FGD3: variants seen among roughly 807,000 people sequenced by gnomAD.
FGD3 encodes the protein FYVE, RhoGEF and PH domain containing 3, also known as FYVE, RhoGEF and PH domain-containing protein 3.
In FGD3, 45 loss-of-function variants were observed where a neutral mutation model predicts 71.8. That is an observed-to-expected ratio of 0.63 (90% CI 0.49 to 0.80). FGD3 has a LOEUF of 0.80. Among genes scored for constraint, FGD3 ranks in the 30% least tolerant of loss-of-function variants. The probability of loss-of-function intolerance (pLI) is 0.00; values close to 1 mark genes in which losing one functional copy is unlikely to be tolerated. For synonymous variants in FGD3, 378 were observed against 392.8 expected (o/e 0.96, Z 0.44); for missense variants, 844 against 951.5 (o/e 0.89, Z 1.49).
In FGD3 at chr9:93,010,230, C is replaced by T. The variant is rs1464201120; in HGVS notation, c.838-16C>T. On this transcript the variant is annotated splice_polypyrimidine_tract_variant and intron_variant, in intron 6 of 17. Transcript: ENST00000375482. The stretch of plus-strand genomic sequence containing the variant: ...ACGTGTCCTTGGAGTGCCCAATGCT[C>T]CCTCTGTCCCCACAGAAGCAGGAGG... 6.3e-7 allele frequency: 1 copy of T among 1,596,638 alleles called. No individual in the cohort carries two copies. Among genetic ancestry groups the T allele is most frequent in the Admixed American group, 1.7e-5 (1 of 59,122 alleles).
intron 8 of FGD3, among the ~76,000 whole-genome samples, chr9:93,012,692 T>TGG (rs1211789301): frequency 2.1e-4 from 25 of 117,012 alleles, no homozygotes; most frequent in African/African-American, 4.1e-4. Context: ...GGTGGCGGGG[T>TGG]GTGGGGGGGG....
At chr9:93,005,927 C>A in intron 5 of FGD3, 97 bp from the exon 6 acceptor site, 4 of 1,377,654 alleles carry the variant, frequency 2.9e-6, no homozygotes, top group African/African-American at 1.5e-5. Flanking sequence ...ACAGAGCTGG[C>A]CTCCACCCCA....
intron 1 of FGD3, among the ~76,000 whole-genome samples, chr9:92,974,988 C>T (rs866763578): frequency 1.1e-4 from 16 of 152,310 alleles, no homozygotes; most frequent in African/African-American, 3.4e-4. Flanking sequence ...AGTTTCCAGC[C>T]GAGCAAGACA....
chr9:93,024,848 G>A (rs1399422816), intron 14 of FGD3, among the ~76,000 whole-genome samples: 3 of 152,362 alleles, frequency 2.0e-5, no homozygotes, highest in South Asian at 4.1e-4. Flanking sequence ...GAACCTGCAA[G>A]GCCATTGTTT....
chr9:92,986,633 C>T (rs1462181055), intron 3 of FGD3, among the ~76,000 whole-genome samples: 1 of 152,182 alleles, frequency 6.6e-6, no homozygotes, highest in East Asian at 1.9e-4. Flanking sequence ...TTCCCTTATC[C>T]CAAAAAGGTA....
At chr9:92,971,791 T>C (rs1038701280) in intron 1 of FGD3, among the ~76,000 whole-genome samples, 1 of 151,894 alleles carries the variant, frequency 6.6e-6, no homozygotes, top group Non-Finnish European at 1.5e-5. Context: ...GGCGTACCAT[T>C]GATGCATAAT....
intron 14 of FGD3, among the ~76,000 whole-genome samples, chr9:93,023,629 G>T (rs1862010222): frequency 6.6e-6 from 1 of 152,004 alleles, no homozygotes; most frequent in Non-Finnish European, 1.5e-5. Context: ...GCCTCACCCA[G>T]CTTCCTGGCC....
At chr9:93,013,587 CAT>C (rs1380423591) in intron 8 of FGD3, among the ~76,000 whole-genome samples, 2 of 152,204 alleles carry the variant, frequency 1.3e-5, no homozygotes, top group African/African-American at 4.8e-5. Context: ...TGAGTTAAAA[CAT>C]GTATCATGTA....
intron 3 of FGD3, among the ~76,000 whole-genome samples, chr9:92,988,620 G>T (rs1860281261): frequency 1.3e-5 from 2 of 152,144 alleles, no homozygotes; most frequent in Admixed American, 6.5e-5. Context: ...TCTTATTACT[G>T]TTCCTTATAT....
At chr9:92,971,544 T>TTCTTC (rs1161674270) in intron 1 of FGD3, among the ~76,000 whole-genome samples, 992 of 69,466 alleles carry the variant, frequency 0.014, 26 homozygotes, top group African/African-American at 0.055. Flanking sequence ...GGTGGGATTT[T>TTCTTC]TCTTTTCTTT....
At position 93,035,590 on chromosome 9, in the gene FGD3, G is replaced by A; in HGVS notation, c.*1G>A. The A allele has an allele frequency of 6.3e-7, 1 of 1,583,770 alleles. No homozygotes were observed. Among genetic ancestry groups the A allele is most frequent in the Non-Finnish European group, 8.6e-7 (1 of 1,168,020 alleles). Reference sequence around the variant, plus strand: ...CCCTATGGGCGCAGCTGCTCCGTGAGCTGAGTCTCCCACTGCCCTGCACAC... The same window carrying A: ...CCCTATGGGCGCAGCTGCTCCGTGAACTGAGTCTCCCACTGCCCTGCACAC... On this transcript the variant is annotated 3_prime_UTR_variant, in exon 18 of 18. Coordinates refer to ENST00000375482, the MANE Select transcript of FGD3 (RefSeq NM_001083536.2).
chr9:93,016,963 T>C (rs553117596), intron 10 of FGD3, among the ~76,000 whole-genome samples: 2 of 152,326 alleles, frequency 1.3e-5, no homozygotes, highest in Admixed American at 1.3e-4. Flanking sequence ...AGTGGTTTCT[T>C]CTAACTACTA....
chr9:92,968,484 C>A (rs190383507), intron 1 of FGD3, among the ~76,000 whole-genome samples: 11 of 152,104 alleles, frequency 7.2e-5, no homozygotes, highest in African/African-American at 2.7e-4. Flanking sequence ...CTCCTCCATC[C>A]ACTCCCACAG....
chr9:92,950,156 G>A (rs908029538), intron 1 of FGD3, among the ~76,000 whole-genome samples: 1 of 151,950 alleles, frequency 6.6e-6, no homozygotes, highest in African/African-American at 2.4e-5. Context: ...AGTGGCTTAC[G>A]CCTGTAATCC....
chr9:93,008,061 AT>A (rs1861140617), intron 6 of FGD3, among the ~76,000 whole-genome samples: 1 of 152,230 alleles, frequency 6.6e-6, no homozygotes, highest in African/African-American at 2.4e-5. Context: ...TTATTTTGAA[AT>A]AACTTTAAAC....
chr9:92,998,455 T>C (rs1482702301), intron 3 of FGD3, among the ~76,000 whole-genome samples: 1 of 152,206 alleles, frequency 6.6e-6, no homozygotes, highest in Admixed American at 6.5e-5. Flanking sequence ...TTACCAATCA[T>C]CTGAAGCTTA....
At chr9:92,995,291 A>G (rs1419258018) in intron 3 of FGD3, among the ~76,000 whole-genome samples, 1 of 152,140 alleles carries the variant, frequency 6.6e-6, no homozygotes, top group East Asian at 1.9e-4. Flanking sequence ...TTATTGGTGT[A>G]AAGGAATGCT....
chr9:92,954,897 C>T (rs1177434779), intron 1 of FGD3, among the ~76,000 whole-genome samples: 1 of 152,148 alleles, frequency 6.6e-6, no homozygotes, highest in Non-Finnish European at 1.5e-5. Flanking sequence ...GCTTTGTCTT[C>T]TGGAAAAGGA....
Position 92,976,676 on chromosome 9 carries a change from C to G in FGD3, c.420C>G (p.Pro140=), listed in dbSNP as rs774640421. Residue 140 remains proline (P), a synonymous_variant, in exon 3 of 18, where the codon CCC becomes CCG. Coordinates refer to ENST00000375482, the MANE Select transcript of FGD3 (RefSeq NM_001083536.2). The part of the protein sequence containing the change: ...VGEEPDSENT[P]QKADKDAGLA... Reference sequence around the variant, plus strand: ...AGGAACCTGACTCTGAGAACACCCCCCAGAAGGCTGACAAGGATGCCGGCC... The same window carrying G: ...AGGAACCTGACTCTGAGAACACCCCGCAGAAGGCTGACAAGGATGCCGGCC... The G allele has an allele frequency of 1.9e-5, 31 of 1,603,646 alleles. 1 individual carries two copies. The African/African-American group carries it at 3.9e-4, about 20-fold the overall frequency.
Sources: gnomAD v4.1 joint callset for allele counts (sites outside exome capture counted in the v4.1 genomes callset) on GRCh38, gnomAD v4.1.1 for gene constraint, MANE v1.5 for transcripts, NCBI Gene and HGNC (gene_info 2026-07-23, HGNC 2026-07-21) for gene names.